The following MED14 variants were observed in gnomAD, a reference collection of about 807,000 sequenced individuals.
MED14 encodes the protein mediator complex subunit 14.
In MED14, 8 loss-of-function variants were observed where a neutral mutation model predicts 109.0. The observed-to-expected ratio is 0.07, with a 90% confidence interval of 0.04 to 0.13. MED14 has a LOEUF of 0.13. MED14 is among the 10% of genes least tolerant of loss of function. The probability of loss-of-function intolerance (pLI) is 1.00; values close to 1 mark genes in which losing one functional copy is unlikely to be tolerated. For synonymous variants in MED14, 399 were observed against 408.7 expected (o/e 0.98, Z 0.29); for missense variants, 711 against 1,142.4 (o/e 0.62, Z 5.44).
At chrX:40,692,991 T>C (rs7052408) in intron 13 of MED14, 89 bp from the exon 14 acceptor site, 126,901 of 635,832 alleles carry the variant, frequency 0.2, 10,513 homozygotes, top group African/African-American at 0.38. Flanking sequence ...CTCAGAATTA[T>C]AAATCTAATG....
intron 12 of MED14, among the ~76,000 whole-genome samples, chrX:40,698,539 CTT>C (rs1343696774): frequency 8.9e-6 from 1 of 112,106 alleles, no homozygotes; most frequent in Non-Finnish European, 1.9e-5. Context: ...TGAAGTATAA[CTT>C]TATCTGTTGA....
intron 13 of MED14, 127 bp from the exon 14 acceptor site, chrX:40,693,029 A>C (rs774697478): frequency 2.1e-6 from 1 of 479,416 alleles, no homozygotes; most frequent in African/African-American, 2.5e-5. Flanking sequence ...AAAAAGGTTA[A>C]ATCAATCGTA....
chrX:40,726,255 A>T (rs1931890783), intron 3 of MED14, among the ~76,000 whole-genome samples: 1 of 110,458 alleles, frequency 9.1e-6, no homozygotes, highest in Admixed American at 9.7e-5. Context: ...CCCTGTGCTT[A>T]TTAGAGGTTT....
chrX:40,654,979 G>A lies in MED14; in HGVS notation c.4054C>T (p.Pro1352Ser), dbSNP rs1297408107. 8.3e-7 allele frequency: 1 copy of A among 1,209,437 alleles called. No individual in the cohort carries two copies. Among genetic ancestry groups the A allele is most frequent in the Non-Finnish European group, 1.1e-6 (1 of 894,720 alleles). Residue 1352 changes from proline to serine, a missense_variant, in exon 29 of 31, where the codon CCT becomes TCT. Pro to Ser is a moderately conservative substitution (Grantham distance 74). Coordinates refer to ENST00000324817, the MANE Select transcript of MED14 (RefSeq NM_004229.4). ...TTCAGCACCACAGCAGGCGTCCCAG[G>A]AGGTGCAATCGGCGGCGCGCTGGGA... is the stretch of plus-strand genomic sequence containing the variant. ...IPPSAPPIAP[P>S]GTPAVVLKSK...
At chrX:40,665,508 G>C (rs1195115442) in intron 24 of MED14, among the ~76,000 whole-genome samples, 1 of 110,949 alleles carries the variant, frequency 9.0e-6, no homozygotes, top group Non-Finnish European at 1.9e-5. Flanking sequence ...ACTCCAGCCT[G>C]GGTAACAGAG....
chrX:40,659,805 A>G (rs191822358), intron 26 of MED14, 198 bp from the exon 27 acceptor site: 2 of 358,341 alleles, frequency 5.6e-6, no homozygotes, highest in African/African-American at 2.6e-5. Flanking sequence ...ATGGAAGAAC[A>G]TAACTCTACC....
chrX:40,681,834 C>CA lies in MED14; in HGVS notation c.2457+17dup. On this transcript the variant is annotated intron_variant, in intron 19 of 30. Coordinates refer to ENST00000324817, the MANE Select transcript of MED14 (RefSeq NM_004229.4). ...AAGATTCATAAGACAGGAACTTCAGCATTTTAATCAGACTTACTGAGCTTC... is the reference window on the plus strand; with the variant it reads ...AAGATTCATAAGACAGGAACTTCAGCAATTTTAATCAGACTTACTGAGCTTC... 1.1e-6 allele frequency: 1 copy of CA among 906,983 alleles called. No individual in the cohort carries two copies. The highest frequency in any genetic ancestry group is 2.5e-5 in the South Asian group (1 of 39,619). 74.7% of individuals were successfully genotyped at this position (906,983 alleles called of 1,213,427 possible). A position where few individuals can be genotyped will look rare whatever the true frequency, so the allele number is the denominator to read the frequency against.
chrX:40,712,855 T>C (rs1298175182), intron 6 of MED14, 59 bp downstream of exon 6: 4 of 1,023,736 alleles, frequency 3.9e-6, no homozygotes, highest in Non-Finnish European at 3.9e-6. Context: ...ATTTCAATAA[T>C]ATAAAAAATC....
intron 28 of MED14, among the ~76,000 whole-genome samples, chrX:40,658,886 CA>C (rs759676514): frequency 7.4e-4 from 81 of 109,655 alleles, no homozygotes; most frequent in Non-Finnish European, 9.9e-4. Flanking sequence ...TTTATGAGAG[CA>C]ATGTTATTTG....
At chrX:40,725,296 G>A (rs966590090) in intron 3 of MED14, among the ~76,000 whole-genome samples, 2 of 111,558 alleles carry the variant, frequency 1.8e-5, no homozygotes, top group Non-Finnish European at 3.8e-5. Context: ...CCAAAAAATA[G>A]TGGAAGAGGG....
Position 40,650,482 on chromosome X carries a change from G to C in MED14, c.*1324C>G, listed in dbSNP as rs1337601212. ...GGAGAACCAGTATTACAGTGACCAG[G>C]TAACTCGGCATGGTATTATCACTTA... On this transcript the variant is annotated 3_prime_UTR_variant, in exon 31 of 31. Transcript: ENST00000324817. 1 of 752,419 alleles carries C rather than the reference G, an allele frequency of 1.3e-6. No homozygotes were observed. Among genetic ancestry groups the C allele is most frequent in the Admixed American group, 8.8e-5 (1 of 11,390 alleles). 62.0% of individuals were successfully genotyped at this position (752,419 alleles called of 1,213,427 possible).
chrX:40,652,361 A>C (rs915673015), intron 30 of MED14, among the ~76,000 whole-genome samples: 1 of 112,359 alleles, frequency 8.9e-6, no homozygotes, highest in African/African-American at 3.2e-5. Flanking sequence ...GAAATGTTGT[A>C]TAAGTGTGCC....
Position 40,692,794 on chromosome X carries a change from G to C in MED14, c.1759C>G (p.Leu587Val). The C allele has an allele frequency of 8.3e-7, 1 of 1,209,631 alleles. No homozygotes were observed. The highest frequency in any genetic ancestry group is 1.8e-5 in the South Asian group (1 of 56,408). The change falls in exon 14 of 31, where the codon CTG (leucine) becomes GTG (valine). Residue 587 changes from leucine (L) to valine (V), a missense_variant. Around this residue, in one of 8 missense-constraint regions of MED14, gnomAD observed 388 missense variants for 517.3 expected, o/e 0.75. Transcript: ENST00000324817. ...ATGTTTTCCTTGAACTGCTGCAGCA[G>C]CAATGCCATTGCAGGGCTGTCTTCA... The part of the protein sequence containing the change: ...DREDSPAMAL[L>V]LQQFKENIQD...
intron 25 of MED14, 152 bp from the exon 26 acceptor site, chrX:40,663,312 G>A (rs1264537687): frequency 2.0e-6 from 1 of 488,515 alleles, no homozygotes; most frequent in Non-Finnish European, 3.4e-6. Context: ...TTAACAACCT[G>A]TTAGCAAAAA....
In MED14 at chrX:40,692,722, T is replaced by C. The variant is rs376151080; in HGVS notation, c.1831A>G (p.Asn611Asp). The C allele has an allele frequency of 8.3e-6, 10 of 1,206,044 alleles. No homozygotes were observed. In the African/African-American group the frequency reaches 1.2e-4, roughly 15 times the overall value. The change falls in exon 14 of 31, where the codon AAT (asparagine) becomes GAT (aspartate). Residue 611 changes from asparagine to aspartate, a missense_variant. Asn to Asp is a conservative substitution (Grantham distance 23). Transcript: ENST00000324817. ...TGGAATCATACCTTGCGCTTGGCAT[T>C]GGTTCTGGTCTGTTTCCCGGTTTTT... is the stretch of plus-strand genomic sequence containing the variant. ...RTKTGKQTRT[N>D]AKRKLSDDPC...
intron 18 of MED14, 31 bp from the exon 19 acceptor site, chrX:40,681,974 T>C: frequency 1.4e-6 from 1 of 732,187 alleles, no homozygotes; most frequent in Non-Finnish European, 2.0e-6. Context: ...AGGAGATTAA[T>C]ATTATACATG....
intron 12 of MED14, among the ~76,000 whole-genome samples, chrX:40,697,688 C>G (rs1362382648): frequency 1.8e-5 from 2 of 111,519 alleles, no homozygotes; most frequent in African/African-American, 6.5e-5. Flanking sequence ...GATTATCTAT[C>G]CTTGAAGCTA....
intron 26 of MED14, 26 bp from the exon 27 acceptor site, chrX:40,659,633 A>C (rs1344997131): frequency 8.7e-7 from 1 of 1,154,271 alleles, no homozygotes; most frequent in African/African-American, 1.8e-5. Flanking sequence ...ACATCAAATT[A>C]ACATGTAAGT....
At chrX:40,709,315 A>C (rs1267911831) in intron 10 of MED14, 33 bp downstream of exon 10, 2 of 725,387 alleles carry the variant, frequency 2.8e-6, no homozygotes, top group Non-Finnish European at 3.9e-6. Context: ...GTTTAAACAA[A>C]AGAAAAACAA....
Sources: allele counts gnomAD v4.1 joint callset (sites outside exome capture counted in the v4.1 genomes callset), GRCh38; gene constraint gnomAD v4.1.1; regional missense constraint gnomAD v4.1.1; transcripts MANE v1.5; gene names NCBI Gene and HGNC (gene_info 2026-07-23, HGNC 2026-07-21).